Variants in PLCB4 observed in about 807,000 individuals in gnomAD.
PLCB4 encodes the protein phospholipase C beta 4.
In PLCB4, 77 loss-of-function variants were observed where a neutral mutation model predicts 178.8. The observed-to-expected ratio is 0.43, with a 90% CI of 0.36 to 0.52. The LOEUF is 0.52. Ranked by LOEUF, PLCB4 falls within the 20% of genes least tolerant of loss-of-function variation. The pLI is 0.00. For synonymous variants in PLCB4, 496 were observed against 490.8 expected, an observed-to-expected ratio of 1.01 and a Z score of -0.14; for missense variants, 1,024 against 1,453.4, an observed-to-expected ratio of 0.70 and a Z score of 4.80.
chr20:9,390,003 C>T (rs762060371), intron 16 of PLCB4, 45 bp downstream of exon 16: 4 of 1,010,926 alleles, frequency 4.0e-6, no homozygotes, highest in South Asian at 2.6e-5. Flanking sequence ...GGTATTGTTT[C>T]CTAACCCCTA....
chr20:9,099,093 CCATTTATACTACTAT>C (rs2091042453), intron 2 of PLCB4, among the ~76,000 whole-genome samples: 1 of 151,874 alleles, frequency 6.6e-6, no homozygotes, highest in South Asian at 2.1e-4. Context: ...TATACTACTA[CCATTTATACTACTAT>C]TATAAATGGC....
chr20:9,078,427 C>T (rs1019484120), intron 1 of PLCB4, among the ~76,000 whole-genome samples: 1 of 151,422 alleles, frequency 6.6e-6, no homozygotes, highest in Non-Finnish European at 1.5e-5. Flanking sequence ...CACTCTGTTG[C>T]CCAGGCTGGA....
At chr20:9,427,887 C>T (rs1397159685) in intron 28 of PLCB4, among the ~76,000 whole-genome samples, 1 of 152,088 alleles carries the variant, frequency 6.6e-6, no homozygotes, top group African/African-American at 2.4e-5. Flanking sequence ...CATGAGCCTC[C>T]CAGCGCTTTG....
chr20:9,281,759 TGA>T (rs1056942149), intron 3 of PLCB4, among the ~76,000 whole-genome samples: 7 of 151,996 alleles, frequency 4.6e-5, no homozygotes, highest in Non-Finnish European at 1.0e-4. Flanking sequence ...GTTAGATGGC[TGA>T]TACCTTTCCT....
At chr20:9,150,054 C>G (rs774126737) in intron 2 of PLCB4, among the ~76,000 whole-genome samples, 1 of 152,192 alleles carries the variant, frequency 6.6e-6, no homozygotes, top group African/African-American at 2.4e-5. Flanking sequence ...CAGTTGAGGG[C>G]ATTCTGCCTG....
At chr20:9,251,685 TAG>T (rs1400036495) in intron 3 of PLCB4, among the ~76,000 whole-genome samples, 1 of 152,118 alleles carries the variant, frequency 6.6e-6, no homozygotes, top group Non-Finnish European at 1.5e-5. Flanking sequence ...GCCTTCCCCT[TAG>T]TTCTTACCCA....
intron 3 of PLCB4, among the ~76,000 whole-genome samples, chr20:9,272,112 A>G (rs2147625088): frequency 6.6e-6 from 1 of 152,014 alleles, no homozygotes; most frequent in Admixed American, 6.6e-5. Flanking sequence ...TGGGAAGTCA[A>G]GGTTACAGTG....
chr20:9,101,545 T>C (rs898402336), intron 2 of PLCB4, among the ~76,000 whole-genome samples: 3 of 152,184 alleles, frequency 2.0e-5, no homozygotes, highest in African/African-American at 7.2e-5. Flanking sequence ...GTTAACTCTT[T>C]ATGTATTTTC....
chr20:9,390,992 T>C (rs1332266696), intron 17 of PLCB4, among the ~76,000 whole-genome samples: 1 of 152,124 alleles, frequency 6.6e-6, no homozygotes, highest in East Asian at 1.9e-4. Flanking sequence ...TGATGCAGGG[T>C]CAGCCCTGAG....
intron 8 of PLCB4, among the ~76,000 whole-genome samples, chr20:9,363,843 T>G (rs567679311): frequency 2.0e-5 from 3 of 152,330 alleles, no homozygotes; most frequent in African/African-American, 7.2e-5. Context: ...AAGAGTGTGA[T>G]TCATCATACT....
intron 3 of PLCB4, among the ~76,000 whole-genome samples, chr20:9,244,266 A>G (rs1481420344): frequency 6.6e-6 from 1 of 152,250 alleles, no homozygotes; most frequent in Non-Finnish European, 1.5e-5. Flanking sequence ...GTTGAATTCA[A>G]TTAAAAAGCT....
At chr20:9,346,463 C>T in intron 7 of PLCB4, among the ~76,000 whole-genome samples, 1 of 152,190 alleles carries the variant, frequency 6.6e-6, no homozygotes, top group Non-Finnish European at 1.5e-5. Flanking sequence ...GCCTATTGAT[C>T]ACCCAAACCC....
At chr20:9,246,563 T>C (rs1383691225) in intron 3 of PLCB4, among the ~76,000 whole-genome samples, 2 of 146,750 alleles carry the variant, frequency 1.4e-5, no homozygotes, top group African/African-American at 5.0e-5. Context: ...CATATAGCAC[T>C]TTTTTTTTTT....
At chr20:9,148,081 T>C (rs1390611047) in intron 2 of PLCB4, among the ~76,000 whole-genome samples, 2 of 152,140 alleles carry the variant, frequency 1.3e-5, no homozygotes, top group African/African-American at 4.8e-5. Context: ...TTATTGTTTT[T>C]CTATGGAATT....
At chr20:9,369,094 C>A (rs2036022726) in intron 9 of PLCB4, among the ~76,000 whole-genome samples, 1 of 152,168 alleles carries the variant, frequency 6.6e-6, no homozygotes, top group South Asian at 2.1e-4. Flanking sequence ...TGGCACCTGG[C>A]CAAACCCTAG....
At chr20:9,217,700 C>G (rs1020648742) in intron 3 of PLCB4, among the ~76,000 whole-genome samples, 4 of 152,226 alleles carry the variant, frequency 2.6e-5, no homozygotes, top group African/African-American at 9.7e-5. Context: ...TACTTGCTCT[C>G]TGCAATAGTG....
intron 25 of PLCB4, among the ~76,000 whole-genome samples, chr20:9,413,092 G>T (rs1158801477): frequency 6.6e-6 from 1 of 152,210 alleles, no homozygotes; most frequent in Admixed American, 6.5e-5. Flanking sequence ...GCTCTGTTCA[G>T]TCGTCCTTTA....
At chr20:9,476,590 A>G in intron 38 of PLCB4, 127 bp from the exon 39 acceptor site, 1 of 664,472 alleles carries the variant, frequency 1.5e-6, no homozygotes, top group East Asian at 2.7e-5. Flanking sequence ...TACATGTTTT[A>G]TCCTTAGCTT....
chr20:9,249,320 A>G (rs186084176), intron 3 of PLCB4, among the ~76,000 whole-genome samples: 162 of 152,004 alleles, frequency 1.1e-3, no homozygotes, highest in African/African-American at 3.7e-3. Context: ...TGCTGCACCC[A>G]TTTTTGAGAC....
Sources: gnomAD v4.1 joint callset for allele counts (sites outside exome capture counted in the v4.1 genomes callset) on GRCh38, gnomAD v4.1.1 for gene constraint, MANE v1.5 for transcripts, NCBI Gene and HGNC (gene_info 2026-07-23, HGNC 2026-07-21) for gene names.